The following CNGA4 variants were observed in gnomAD, a reference collection of about 807,000 sequenced individuals.
CNGA4 encodes cyclic nucleotide-gated channel alpha-4.
A neutral mutation model predicts 45.6 loss-of-function variants in CNGA4; 32 were observed. The observed-to-expected ratio is 0.70, with a 90% confidence interval of 0.53 to 0.94. The LOEUF (loss-of-function observed/expected upper bound fraction) is 0.94, where lower values mean the gene tolerates loss of function less well. CNGA4 is among the 40% of genes least tolerant of loss of function. CNGA4 has a pLI of 0.00. For synonymous variants in CNGA4, 293 were observed against 304.6 expected (o/e 0.96, Z 0.40); for missense variants, 726 against 755.1 (o/e 0.96, Z 0.45).
In CNGA4 at chr11:6,240,683, C is replaced by G. The variant is rs774358048; in HGVS notation, c.889C>G (p.Arg297Gly). ...KKYMKLQHVN[R>G]KLERRVIDWY... Reference sequence around the variant, plus strand: ...GTACATGAAGCTGCAGCACGTCAACCGCAAGCTGGAGCGGCGAGTTATTGA... The same window carrying G: ...GTACATGAAGCTGCAGCACGTCAACGGCAAGCTGGAGCGGCGAGTTATTGA... The change falls in exon 4 of 6, where the codon CGC (arginine) becomes GGC (glycine). Residue 297 changes from arginine (R) to glycine (G), a missense_variant. Transcript: ENST00000379936. The surrounding 1 kb of genome is among the most constrained non-coding windows in gnomAD (Gnocchi z 4.9). The G allele has an allele frequency of 1.5e-5, 25 of 1,613,296 alleles. No homozygotes were observed. Among genetic ancestry groups the G allele is most frequent in the Admixed American group, 1.2e-4 (7 of 59,990 alleles).
chr11:6,242,494 A>G (rs774477123), intron 5 of CNGA4, among the ~76,000 whole-genome samples: 2 of 152,054 alleles, frequency 1.3e-5, no homozygotes, highest in Non-Finnish European at 2.9e-5. Flanking sequence ...GGGTAAGCAC[A>G]CTGTCATGGA....
chr11:6,244,541 TAG>T, downstream of CNGA4: 1 of 748,144 alleles, frequency 1.3e-6, no homozygotes, highest in Non-Finnish European at 2.1e-6. The surrounding 1 kb of genome is among the most constrained non-coding windows in gnomAD (Gnocchi z 4.5). Context: ...GATGCCCAGC[TAG>T]AGATATAGGA....
At chr11:6,236,495 G>T (rs964557985), upstream of CNGA4, among the ~76,000 whole-genome samples, 2 of 152,108 alleles carry the variant, frequency 1.3e-5, no homozygotes, top group Non-Finnish European at 2.9e-5. Flanking sequence ...TGATTGGGTG[G>T]ATATAAGAGG....
chr11:6,242,507 G>A (rs1031204225), intron 5 of CNGA4, among the ~76,000 whole-genome samples: 2 of 152,068 alleles, frequency 1.3e-5, no homozygotes, highest in Non-Finnish European at 2.9e-5. Flanking sequence ...GTCATGGACC[G>A]AGAAGCTGGA....
chr11:6,235,372 C>A, upstream of CNGA4: 1 of 602,106 alleles, frequency 1.7e-6, no homozygotes, highest in Non-Finnish European at 2.1e-6. Flanking sequence ...TGCCTGCATG[C>A]CCAGCTGGAT....
Position 6,243,862 on chromosome 11 carries a change from T to C in CNGA4, c.1268-87T>C, listed in dbSNP as rs73395042. 3.6e-4 allele frequency: 429 copies of C among 1,196,904 alleles called. No individual in the cohort carries two copies. In the African/African-American group the frequency reaches 5.9e-3, roughly 16 times the overall value. The allele number at this position is 1,196,904 out of a possible 1,614,324, so 74.1% of individuals were successfully genotyped here. A position where few individuals can be genotyped will look rare whatever the true frequency, so the allele number is the denominator to read the frequency against. ...AAGGAGAGGCTCAGAAGCACAAATA[T>C]GGAGGTGAAGGTCCTGGTTCAGGAG... is the stretch of plus-strand genomic sequence containing the variant. On this transcript the variant is annotated intron_variant, in intron 5 of 5. Transcript: ENST00000379936.
chr11:6,235,394 T>C, upstream of CNGA4: 1 of 834,814 alleles, frequency 1.2e-6, no homozygotes, highest in Admixed American at 6.2e-5. Context: ...CCGGATCAAT[T>C]AGAACCGGCC....
chr11:6,239,881 G>C, intron 3 of CNGA4, 91 bp downstream of exon 3: 1 of 1,403,402 alleles, frequency 7.1e-7, no homozygotes, highest in Non-Finnish European at 9.9e-7. Context: ...CCCCCACCGT[G>C]GTAGCACCTT....
upstream of CNGA4, among the ~76,000 whole-genome samples, chr11:6,235,085 A>G (rs939114348): frequency 2.0e-4 from 30 of 152,324 alleles, no homozygotes; most frequent in South Asian, 6.2e-4. Flanking sequence ...GGGTGGGGCC[A>G]TGGATTCCAG....
intron 5 of CNGA4, 50 bp downstream of exon 5, chr11:6,241,830 G>A: frequency 1.9e-6 from 3 of 1,546,014 alleles, no homozygotes; most frequent in South Asian, 1.1e-5. Flanking sequence ...GGGGTAGGGG[G>A]GAACAGCAGA....
At chr11:6,235,843 G>C (rs944041196), upstream of CNGA4, among the ~76,000 whole-genome samples, 1 of 151,956 alleles carries the variant, frequency 6.6e-6, no homozygotes, top group Non-Finnish European at 1.5e-5. Flanking sequence ...GGAGGCTGGG[G>C]CAGGAGAATC....
upstream of CNGA4, among the ~76,000 whole-genome samples, chr11:6,235,101 G>T (rs939213723): frequency 2.0e-5 from 3 of 152,188 alleles, no homozygotes; most frequent in African/African-American, 7.2e-5. Context: ...TCCAGGAGAC[G>T]CTTGGAGTGG....
At chr11:6,239,856 G>A (rs1847885716) in intron 3 of CNGA4, 66 bp downstream of exon 3, 2 of 1,516,712 alleles carry the variant, frequency 1.3e-6, no homozygotes, top group Admixed American at 1.9e-5. Flanking sequence ...CACTTAAGAA[G>A]TAACAAGAAA....
In CNGA4 at chr11:6,244,206, A is replaced by C. The variant is rs1434979676; in HGVS notation, c.1525A>C (p.Thr509Pro). 6.2e-7 allele frequency: 1 copy of C among 1,614,218 alleles called. No individual in the cohort carries two copies. The highest frequency in any genetic ancestry group is 8.5e-7 in the Non-Finnish European group (1 of 1,180,032). ...GLDQQLDDLQ[T>P]KFARLLAELE... ...AGACCAGCAGCTGGATGATCTACAG[A>C]CCAAGTTTGCTCGCCTCCTGGCTGA... is the stretch of plus-strand genomic sequence containing the variant. Residue 509 changes from threonine (T) to proline (P), a missense_variant, in exon 6 of 6, where the codon ACC becomes CCC. By Grantham distance (38) the Thr-to-Pro change is conservative. Transcript: ENST00000379936. This position sits in a 1 kb window ranked among gnomAD's most constrained non-coding sequence, Gnocchi z 4.5.
upstream of CNGA4, among the ~76,000 whole-genome samples, chr11:6,235,297 C>G (rs1564874806): frequency 6.6e-6 from 1 of 152,182 alleles, no homozygotes; most frequent in Non-Finnish European, 1.5e-5. Context: ...CCTGGCTCCC[C>G]CAACACCGCT....
chr11:6,244,551 G>T, downstream of CNGA4: 3 of 606,342 alleles, frequency 4.9e-6, no homozygotes, highest in East Asian at 3.6e-5. This position sits in a 1 kb window ranked among gnomAD's most constrained non-coding sequence, Gnocchi z 4.5. Context: ...TAGAGATATA[G>T]GAGTTTAACG....
In CNGA4 at chr11:6,244,039, T is replaced by A; in HGVS notation, c.1358T>A (p.Val453Glu). The A allele has an allele frequency of 2.5e-6, 4 of 1,613,968 alleles. No homozygotes were observed. Among genetic ancestry groups the A allele is most frequent in the Non-Finnish European group, 3.4e-6 (4 of 1,180,012 alleles). The part of the protein sequence containing the change: ...FCLSKEDLRE[V>E]LSEYPQAQTI... ...CTGAGCAAGGAGGACCTGCGGGAGG[T>A]GCTGAGCGAGTATCCACAAGCACAG... Residue 453 changes from valine (V) to glutamate (E), a missense_variant, in exon 6 of 6, where the codon GTG (valine) becomes GAG (glutamate). Val to Glu is a moderately radical substitution (Grantham distance 121). Transcript: ENST00000379936. This position sits in a 1 kb window ranked among gnomAD's most constrained non-coding sequence, Gnocchi z 4.5.
rs1340394756 is a variant in CNGA4 at position 6,244,079 on chromosome 11, G to T, written c.1398G>T (p.Glu466Asp). 1 of 1,614,100 alleles carries T rather than the reference G, an allele frequency of 6.2e-7. No homozygotes were observed. Among genetic ancestry groups the T allele is most frequent in the African/African-American group, 1.3e-5 (1 of 74,934 alleles). The change falls in exon 6 of 6, where the codon GAG becomes GAT. Residue 466 changes from glutamate (E) to aspartate (D), a missense_variant. Coordinates refer to ENST00000379936, the MANE Select transcript of CNGA4 (RefSeq NM_001037329.4). This position sits in a 1 kb window ranked among gnomAD's most constrained non-coding sequence, Gnocchi z 4.5. ...CACAAGCACAGACCATCATGGAGGAGAAAGGACGTGAGATCCTGCTGAAAA... is the reference window on the plus strand; with the variant it reads ...CACAAGCACAGACCATCATGGAGGATAAAGGACGTGAGATCCTGCTGAAAA... ...EYPQAQTIME[E>D]KGREILLKMN...
intron 5 of CNGA4, among the ~76,000 whole-genome samples, chr11:6,242,281 G>GA (rs1007708793): frequency 1.3e-5 from 2 of 151,924 alleles, no homozygotes; most frequent in African/African-American, 4.8e-5. Context: ...GGGATGAGTG[G>GA]AAAAAACAAC....
Sources: allele counts gnomAD v4.1 joint callset (sites outside exome capture counted in the v4.1 genomes callset), GRCh38; gene constraint gnomAD v4.1.1; non-coding constraint Gnocchi (gnomAD v3.1); transcripts MANE v1.5; gene names NCBI Gene and HGNC (gene_info 2026-07-23, HGNC 2026-07-21).